CORIN: variants seen among roughly 807,000 people sequenced by gnomAD.
CORIN encodes the protein corin, serine peptidase, also known as atrial natriuretic peptide-converting enzyme.
In CORIN, 117 loss-of-function variants were observed where a neutral mutation model predicts 125.3. The observed-to-expected ratio is 0.93, with a 90% CI of 0.80 to 1.09. The LOEUF (loss-of-function observed/expected upper bound fraction) is 1.09. Among genes scored for constraint, CORIN ranks in the 50% least tolerant of loss-of-function variants. The pLI is 0.00. For synonymous variants in CORIN, 450 were observed against 466.4 expected (o/e 0.96, Z 0.45); for missense variants, 1,253 against 1,306.7 (o/e 0.96, Z 0.63).
Position 47,706,361 on chromosome 4 carries a change from G to T in CORIN, c.800-13278C>A, listed in dbSNP as rs1726551076. On this transcript the variant is annotated intron_variant, in intron 5 of 21. Coordinates refer to ENST00000273857, the MANE Select transcript of CORIN (RefSeq NM_006587.4). ...CCTTTCCGTCTGGCGGCAGCCATCA[G>T]GTAAGCCAAGATGGGTGCATACAAG... is the stretch of plus-strand genomic sequence containing the variant. The T allele has an allele frequency of 5.0e-6, 8 of 1,591,226 alleles. No individual in the cohort carries two copies. The East Asian group carries it at 1.8e-4, about 36-fold the overall frequency.
chr4:47,636,256 C>T (rs921739776), intron 16 of CORIN, among the ~76,000 whole-genome samples: 6 of 152,086 alleles, frequency 3.9e-5, no homozygotes, highest in South Asian at 4.1e-4. Context: ...CACTGTTTCC[C>T]GATTATCTAA....
At chr4:47,827,504 CT>C (rs56257702) in intron 1 of CORIN, among the ~76,000 whole-genome samples, 1 of 152,184 alleles carries the variant, frequency 6.6e-6, no homozygotes, top group Non-Finnish European at 1.5e-5. Flanking sequence ...TAAGCTAGAA[CT>C]TGAGCCCATG....
chr4:47,821,620 T>C (rs1255637663), intron 1 of CORIN, among the ~76,000 whole-genome samples: 1 of 150,812 alleles, frequency 6.6e-6, no homozygotes, highest in Non-Finnish European at 1.5e-5. Flanking sequence ...ATCCCATTGT[T>C]CCATCCATCA....
rs1722444882 is a variant in CORIN, at chr4:47,623,884, C to T, written c.2365+15G>A. On this transcript the variant is annotated intron_variant, in intron 18 of 21. Transcript: ENST00000273857. ...TTAAGTTCATATCCCATTGCCACAC[C>T]TCTAATTCTCTCACCTTGTTTAGTA... The T allele has an allele frequency of 6.2e-7, 1 of 1,612,730 alleles. No individual in the cohort carries two copies. Among genetic ancestry groups the T allele is most frequent in the Non-Finnish European group, 8.5e-7 (1 of 1,178,690 alleles).
chr4:47,674,353 C>G, intron 10 of CORIN, 40 bp downstream of exon 10: 1 of 1,322,734 alleles, frequency 7.6e-7, no homozygotes, highest in Non-Finnish European at 1.1e-6. Flanking sequence ...TGAATGCATG[C>G]CCTGACATGG....
At chr4:47,680,110 T>A (rs549733037) in intron 8 of CORIN, 31 bp downstream of exon 8, 2 of 1,459,618 alleles carry the variant, frequency 1.4e-6, no homozygotes, top group South Asian at 2.3e-5. Flanking sequence ...AATGGAAAAA[T>A]AAGCAAAACA....
intron 5 of CORIN, among the ~76,000 whole-genome samples, chr4:47,718,213 C>A (rs866181914): frequency 3.9e-5 from 6 of 152,222 alleles, no homozygotes; most frequent in Admixed American, 3.9e-4. Context: ...CCTACTTATT[C>A]TGTTGCTCCC....
chr4:47,722,617 C>T (rs1727400799), intron 5 of CORIN, among the ~76,000 whole-genome samples: 1 of 152,126 alleles, frequency 6.6e-6, no homozygotes, highest in Admixed American at 6.5e-5. Flanking sequence ...TAAAAGAGCA[C>T]AAATAAACCC....
At chr4:47,692,020 T>C (rs955776756) in intron 6 of CORIN, among the ~76,000 whole-genome samples, 1 of 151,720 alleles carries the variant, frequency 6.6e-6, no homozygotes, top group African/African-American at 2.4e-5. Context: ...TGGCTGTTTA[T>C]ATAACCCTTA....
Position 47,836,314 on chromosome 4 carries a change from C to CAA in CORIN, c.63+1571_63+1572dup, listed in dbSNP as rs11442104. On this transcript the variant is annotated intron_variant, in intron 1 of 21. Transcript: ENST00000273857. ...AAGCTAATGAATGTTTTGACTGTGA[C>CAA]AAAAAAAAATGGTTTAATAACTTTT... 1.5e-3 allele frequency among the ~76,000 whole-genome samples: 231 copies of CAA among 150,776 alleles called. 1 individual carries two copies. The highest frequency in any genetic ancestry group is 2.1e-3 in the East Asian group (11 of 5,132).
intron 1 of CORIN, among the ~76,000 whole-genome samples, chr4:47,832,456 T>C (rs1466015202): frequency 6.8e-6 from 1 of 147,162 alleles, no homozygotes; most frequent in African/African-American, 2.5e-5. Flanking sequence ...TTTTTTTTTT[T>C]TTTTTTGAGA....
At chr4:47,780,199 C>T (rs910339270) in intron 3 of CORIN, among the ~76,000 whole-genome samples, 7 of 151,148 alleles carry the variant, frequency 4.6e-5, no homozygotes, top group African/African-American at 1.5e-4. Flanking sequence ...AAACAATGAC[C>T]CAAATCCTCT....
At chr4:47,803,414 A>G (rs1175846656) in intron 2 of CORIN, among the ~76,000 whole-genome samples, 3 of 152,210 alleles carry the variant, frequency 2.0e-5, no homozygotes, top group African/African-American at 7.2e-5. Flanking sequence ...CCTATGCAAA[A>G]AGAATGAAAC....
chr4:47,747,276 T>G (rs1577886218), intron 4 of CORIN, among the ~76,000 whole-genome samples: 1 of 152,162 alleles, frequency 6.6e-6, no homozygotes, highest in Non-Finnish European at 1.5e-5. Context: ...TAATAATAGA[T>G]GAACACTTAA....
At chr4:47,772,073 T>TTAGATAGATAGA (rs1201118141) in intron 3 of CORIN, among the ~76,000 whole-genome samples, 3 of 110,622 alleles carry the variant, frequency 2.7e-5, no homozygotes, top group African/African-American at 6.9e-5. Flanking sequence ...AGCTTTCACA[T>TTAGATAGATAGA]TACATAGATA....
intron 1 of CORIN, among the ~76,000 whole-genome samples, chr4:47,820,369 G>A (rs796348901): frequency 7.2e-5 from 11 of 152,248 alleles, no homozygotes; most frequent in African/African-American, 2.6e-4. Flanking sequence ...GCCTAGGTTA[G>A]GAGCTGGAAA....
At chr4:47,761,617 C>G (rs1339504547) in intron 4 of CORIN, among the ~76,000 whole-genome samples, 2 of 152,078 alleles carry the variant, frequency 1.3e-5, no homozygotes, top group East Asian at 3.9e-4. Flanking sequence ...AAGTCAGGCA[C>G]AGAAAGACAA....
chr4:47,831,639 A>T (rs1363762383), intron 1 of CORIN: 1 of 152,230 alleles, frequency 6.6e-6, no homozygotes, highest in Admixed American at 6.5e-5. Flanking sequence ...ACTAAAGCAG[A>T]TTTAGTAAAG....
intron 5 of CORIN, among the ~76,000 whole-genome samples, chr4:47,720,854 TAG>T (rs1727311726): frequency 6.6e-6 from 1 of 152,196 alleles, no homozygotes; most frequent in Non-Finnish European, 1.5e-5. Context: ...AGTGAAGTCC[TAG>T]GTCTTTGAAA....
Sources: allele counts gnomAD v4.1 joint callset (sites outside exome capture counted in the v4.1 genomes callset), GRCh38; gene constraint gnomAD v4.1.1; transcripts MANE v1.5; gene names NCBI Gene and HGNC (gene_info 2026-07-23, HGNC 2026-07-21).